The following SMIM31 variants were observed in gnomAD, a reference collection of about 807,000 sequenced individuals.
SMIM31 encodes the protein human epithelial cell program regulator.
chr4:164,782,096 G>A (rs368527991), intron 2 of SMIM31, among the ~76,000 whole-genome samples: 5 of 152,110 alleles, frequency 3.3e-5, no homozygotes, highest in East Asian at 2.0e-4. Flanking sequence ...TTCGAGACCA[G>A]CCTGACCAAA....
intron 2 of SMIM31, among the ~76,000 whole-genome samples, chr4:164,780,067 CT>C (rs1233990805): frequency 1.3e-5 from 2 of 152,318 alleles, no homozygotes; most frequent in Middle Eastern, 3.4e-3. Flanking sequence ...AAAGCTTTGT[CT>C]TTTTCCCCAG....
At chr4:164,793,596 C>T (rs1040030113) in intron 2 of SMIM31, among the ~76,000 whole-genome samples, 2 of 152,110 alleles carry the variant, frequency 1.3e-5, no homozygotes, top group South Asian at 4.2e-4. Flanking sequence ...GCCACTATAT[C>T]GCTGTTTGCT....
intron 2 of SMIM31, among the ~76,000 whole-genome samples, chr4:164,797,325 G>A (rs1457624297): frequency 6.6e-6 from 1 of 151,770 alleles, no homozygotes; most frequent in Non-Finnish European, 1.5e-5. Flanking sequence ...GGTAAACTTG[G>A]GGATATGGGA....
At chr4:164,787,530 A>G (rs1008007606) in intron 2 of SMIM31, 1 of 145,896 alleles carries the variant, frequency 6.9e-6, no homozygotes, top group Non-Finnish European at 1.5e-5. Flanking sequence ...AAAGTTAAAA[A>G]TAAACATTTG....
chr4:164,764,958 T>A (rs533599649), intron 1 of SMIM31, among the ~76,000 whole-genome samples: 2 of 152,364 alleles, frequency 1.3e-5, no homozygotes, highest in South Asian at 4.1e-4. Flanking sequence ...CCAATGACAG[T>A]GAGTTCCTCA....
intron 2 of SMIM31, among the ~76,000 whole-genome samples, chr4:164,798,409 AT>A (rs1211057950): frequency 3.5e-3 from 482 of 138,200 alleles, no homozygotes; most frequent in Middle Eastern, 7.3e-3. Context: ...AATATTTTGT[AT>A]TTTTTTTTTT....
At chr4:164,757,892 C>T (rs1372810878) in intron 1 of SMIM31, among the ~76,000 whole-genome samples, 1 of 151,984 alleles carries the variant, frequency 6.6e-6, no homozygotes, top group Non-Finnish European at 1.5e-5. Context: ...TTAGGTGCAG[C>T]CTTTGCATTT....
In SMIM31 at chr4:164,772,605, G is replaced by A. The variant is rs572714183; in HGVS notation, c.112+2050G>A. 3.2e-4 allele frequency among the ~76,000 whole-genome samples: 43 copies of A among 135,088 alleles called. 1 individual carries two copies. In the East Asian group the frequency reaches 7.8e-3, roughly 24 times the overall value. 88.6% of individuals were successfully genotyped at this position (135,088 alleles called of 152,430 possible). A position where few individuals can be genotyped will look rare whatever the true frequency, so the allele number is the denominator to read the frequency against. On this transcript the variant is annotated intron_variant, in intron 2 of 2. Coordinates refer to ENST00000507311, the MANE Select transcript of SMIM31 (RefSeq NM_001352885.1). The stretch of plus-strand genomic sequence containing the variant: ...ATTTTATTTTTTTTTTTGAGACGGA[G>A]TCTCGCTCTGTCGCCCAGGCTGGAG...
chr4:164,760,264 C>T (rs1374789911), intron 1 of SMIM31, among the ~76,000 whole-genome samples: 1 of 152,066 alleles, frequency 6.6e-6, no homozygotes, highest in African/African-American at 2.4e-5. Flanking sequence ...ACTAGATAGG[C>T]AATGTAGTAT....
At chr4:164,798,725 A>T (rs991869777) in intron 2 of SMIM31, among the ~76,000 whole-genome samples, 2 of 139,474 alleles carry the variant, frequency 1.4e-5, no homozygotes, top group South Asian at 2.4e-4. Context: ...GTCTGAGGGC[A>T]TGATATTGTT....
intron 2 of SMIM31, among the ~76,000 whole-genome samples, chr4:164,786,031 A>T (rs978165722): frequency 6.6e-6 from 1 of 152,206 alleles, no homozygotes; most frequent in African/African-American, 2.4e-5. Flanking sequence ...CAAGACTTCC[A>T]GCACTTTTAA....
chr4:164,799,544 G>A (rs180715509), intron 2 of SMIM31, among the ~76,000 whole-genome samples: 5 of 152,028 alleles, frequency 3.3e-5, no homozygotes, highest in Non-Finnish European at 5.9e-5. Flanking sequence ...AAAACAGGAG[G>A]AATTCCTCCT....
chr4:164,771,766 G>C, intron 2 of SMIM31, among the ~76,000 whole-genome samples: 1 of 152,104 alleles, frequency 6.6e-6, no homozygotes, highest in East Asian at 1.9e-4. Context: ...CTGAGATTGC[G>C]CCACTGCACT....
At chr4:164,793,398 C>T (rs1733132162) in intron 2 of SMIM31, among the ~76,000 whole-genome samples, 1 of 152,168 alleles carries the variant, frequency 6.6e-6, no homozygotes, top group African/African-American at 2.4e-5. Context: ...TAGATATCCA[C>T]ATACAAAAGA....
intron 1 of SMIM31, among the ~76,000 whole-genome samples, chr4:164,760,470 C>T (rs928102646): frequency 2.6e-5 from 4 of 151,768 alleles, no homozygotes; most frequent in Non-Finnish European, 5.9e-5. Context: ...GTGGCTCATG[C>T]TTGTAATCCC....
intron 2 of SMIM31, among the ~76,000 whole-genome samples, chr4:164,773,630 T>G (rs1732841985): frequency 6.6e-6 from 1 of 152,140 alleles, no homozygotes; most frequent in Admixed American, 6.5e-5. Flanking sequence ...ACCTTGTCCC[T>G]CCCACAACAC....
At chr4:164,764,058 T>G (rs1341057004) in intron 1 of SMIM31, among the ~76,000 whole-genome samples, 1 of 152,220 alleles carries the variant, frequency 6.6e-6, no homozygotes, top group Non-Finnish European at 1.5e-5. Flanking sequence ...ACTGTAATTT[T>G]TAAATCATCC....
chr4:164,756,445 G>A (rs960291591), intron 1 of SMIM31, among the ~76,000 whole-genome samples: 11 of 151,758 alleles, frequency 7.2e-5, no homozygotes, highest in Admixed American at 6.6e-5. Flanking sequence ...GGTGGTGGGC[G>A]CCTGTAGTTC....
At chr4:164,787,379 G>A (rs1177020671) in intron 2 of SMIM31, 1 of 151,834 alleles carries the variant, frequency 6.6e-6, no homozygotes, top group African/African-American at 2.4e-5. Flanking sequence ...GCAAATTCAT[G>A]AAGTGTTCAA....
Sources: gnomAD v4.1 joint callset for allele counts (sites outside exome capture counted in the v4.1 genomes callset) on GRCh38, gnomAD v4.1.1 for gene constraint, MANE v1.5 for transcripts, NCBI Gene and HGNC (gene_info 2026-07-23, HGNC 2026-07-21) for gene names.